The following SNAP25 variants were observed in gnomAD, a reference collection of about 807,000 sequenced individuals.
SNAP25 encodes synaptosomal-associated protein 25.
SNAP25 carries 3 observed loss-of-function variants against 28.7 expected under a neutral mutation model. That is an observed-to-expected ratio of 0.10 (90% CI 0.05 to 0.27). SNAP25 has a LOEUF of 0.27. Ranked by LOEUF, SNAP25 falls within the 10% of genes least tolerant of loss-of-function variation. The pLI is 1.00. For synonymous variants in SNAP25, 61 were observed against 88.1 expected, an observed-to-expected ratio of 0.69 and a Z score of 1.72; for missense variants, 117 against 278.7, an observed-to-expected ratio of 0.42 and a Z score of 4.13.
chr20:10,273,119 C>T (rs528774264), intron 1 of SNAP25, among the ~76,000 whole-genome samples: 5 of 152,106 alleles, frequency 3.3e-5, no homozygotes, highest in African/African-American at 1.2e-4. Flanking sequence ...CTTTTGTTCC[C>T]TTGCCTCCCA....
chr20:10,257,494 C>T (rs2063339033), intron 1 of SNAP25, among the ~76,000 whole-genome samples: 3 of 152,208 alleles, frequency 2.0e-5, no homozygotes, highest in African/African-American at 7.2e-5. Flanking sequence ...GGGCGGATCA[C>T]CTGAGGTTGG....
chr20:10,306,074 G>T lies in SNAP25; in HGVS notation c.553-55G>T, dbSNP rs926318173. 1.6e-5 allele frequency: 25 copies of T among 1,569,808 alleles called. No homozygotes were observed. In the African/African-American group the frequency reaches 2.7e-4, roughly 17 times the overall value. On this transcript the variant is annotated intron_variant, in intron 7 of 7. Transcript: ENST00000254976. ...AAGCATTGGACCCGGACCCAGAAGG[G>T]TGAATGGATTTTTAAGGGGTAACCT...
chr20:10,282,223 GGA>G (rs2063793873), intron 3 of SNAP25, among the ~76,000 whole-genome samples: 3 of 143,540 alleles, frequency 2.1e-5, no homozygotes, highest in Non-Finnish European at 3.1e-5. Context: ...AAGGAAGGAA[GGA>G]AGGGAAAGGA....
intron 1 of SNAP25, among the ~76,000 whole-genome samples, chr20:10,248,480 C>T (rs534713307): frequency 4.1e-4 from 62 of 152,078 alleles, no homozygotes; most frequent in African/African-American, 1.1e-3. Flanking sequence ...ATTATACATA[C>T]GGCATAACAT....
At chr20:10,257,379 G>A (rs924085488) in intron 1 of SNAP25, among the ~76,000 whole-genome samples, 4 of 152,066 alleles carry the variant, frequency 2.6e-5, no homozygotes, top group Admixed American at 2.0e-4. Flanking sequence ...GAGACAAGCC[G>A]GGCCAACATG....
intron 1 of SNAP25, among the ~76,000 whole-genome samples, chr20:10,274,846 A>C (rs2122996854): frequency 6.6e-6 from 1 of 152,190 alleles, no homozygotes; most frequent in African/African-American, 2.4e-5. Flanking sequence ...CTGTCTCAAA[A>C]AAATAAAAAA....
intron 1 of SNAP25, among the ~76,000 whole-genome samples, chr20:10,263,727 A>G (rs1441881406): frequency 6.6e-6 from 1 of 152,190 alleles, no homozygotes; most frequent in Non-Finnish European, 1.5e-5. Context: ...ATGGGGAAGG[A>G]AGAGACCCAA....
rs79499561 is a variant in SNAP25, at chr20:10,304,430, C to A, written c.553-1699C>A. Reference sequence around the variant, plus strand: ...CTAGTAGCCTACTGTTGACTGGAAGCCTTAATGACATAAAAAGTCCATTAA... The same window carrying A: ...CTAGTAGCCTACTGTTGACTGGAAGACTTAATGACATAAAAAGTCCATTAA... On this transcript the variant is annotated intron_variant, in intron 7 of 7. Coordinates refer to ENST00000254976, the MANE Select transcript of SNAP25 (RefSeq NM_130811.4). Among the ~76,000 whole-genome samples, 833 of 152,166 alleles carry A rather than the reference C, an allele frequency of 5.5e-3. 8 individuals carry two copies. The highest frequency in any genetic ancestry group is 0.017 in the African/African-American group (693 of 41,518).
intron 1 of SNAP25, among the ~76,000 whole-genome samples, chr20:10,224,627 T>C (rs996892885): frequency 1.3e-5 from 2 of 152,008 alleles, no homozygotes; most frequent in Admixed American, 6.6e-5. Flanking sequence ...AATTGGAAGA[T>C]TAATTACATT....
chr20:10,265,469 T>C (rs988525403), intron 1 of SNAP25, among the ~76,000 whole-genome samples: 1 of 152,240 alleles, frequency 6.6e-6, no homozygotes, highest in South Asian at 2.1e-4. Flanking sequence ...CTTCTTCCTC[T>C]GTCTTACAGA....
chr20:10,261,249 C>G (rs550869191), intron 1 of SNAP25, among the ~76,000 whole-genome samples: 1 of 152,122 alleles, frequency 6.6e-6, no homozygotes, highest in African/African-American at 2.4e-5. Context: ...TAACTACAAA[C>G]GAATGAGTAT....
At chr20:10,260,823 T>TA (rs1807378645) in intron 1 of SNAP25, among the ~76,000 whole-genome samples, 1 of 152,038 alleles carries the variant, frequency 6.6e-6, no homozygotes, top group Non-Finnish European at 1.5e-5. Flanking sequence ...ATTCCACCAA[T>TA]AAAAAATTAT....
intron 1 of SNAP25, among the ~76,000 whole-genome samples, chr20:10,274,736 G>A (rs185051856): frequency 5.3e-5 from 8 of 152,182 alleles, no homozygotes; most frequent in South Asian, 2.1e-4. Context: ...CCAGCTACTC[G>A]GGAGGCTGAG....
At chr20:10,263,675 T>G (rs2063459039) in intron 1 of SNAP25, among the ~76,000 whole-genome samples, 1 of 152,168 alleles carries the variant, frequency 6.6e-6, no homozygotes, top group African/African-American at 2.4e-5. Flanking sequence ...AACCAAGCTG[T>G]GTACCTCAGA....
chr20:10,249,643 T>A (rs6032829), intron 1 of SNAP25, among the ~76,000 whole-genome samples: 1 of 151,930 alleles, frequency 6.6e-6, no homozygotes, highest in African/African-American at 2.4e-5. Flanking sequence ...CTGCTCAGTG[T>A]GGGCCACAGA....
At chr20:10,260,056 CCAGA>C (rs2063385131) in intron 1 of SNAP25, among the ~76,000 whole-genome samples, 1 of 152,146 alleles carries the variant, frequency 6.6e-6, no homozygotes, top group Non-Finnish European at 1.5e-5. Flanking sequence ...GTCCTCTAAC[CCAGA>C]CTTTGGACAG....
chr20:10,264,489 T>G (rs1420756085), intron 1 of SNAP25, among the ~76,000 whole-genome samples: 5 of 152,164 alleles, frequency 3.3e-5, no homozygotes, highest in African/African-American at 1.2e-4. Context: ...GAGATTGTTC[T>G]TCAGCCAAAT....
intron 1 of SNAP25, among the ~76,000 whole-genome samples, chr20:10,264,627 G>A (rs953082967): frequency 1.3e-5 from 2 of 152,154 alleles, no homozygotes; most frequent in African/African-American, 2.4e-5. Flanking sequence ...CTGGGGAGCC[G>A]CGTTCTTGTG....
chr20:10,269,327 G>A (rs999293011), intron 1 of SNAP25, among the ~76,000 whole-genome samples: 8 of 152,118 alleles, frequency 5.3e-5, no homozygotes, highest in African/African-American at 1.2e-4. Flanking sequence ...ACTTGAACCC[G>A]GGAGGTGGAG....
Sources: gnomAD v4.1 joint callset for allele counts (sites outside exome capture counted in the v4.1 genomes callset) on GRCh38, gnomAD v4.1.1 for gene constraint, MANE v1.5 for transcripts, NCBI Gene and HGNC (gene_info 2026-07-23, HGNC 2026-07-21) for gene names.